The following NELL1 variants were observed in gnomAD, a reference collection of about 807,000 sequenced individuals.
NELL1 encodes neural EGFL like 1, also known as protein kinase C-binding protein NELL1.
A neutral mutation model predicts 107.4 loss-of-function variants in NELL1; 76 were observed. The ratio of observed to expected loss-of-function variants is 0.71; its 90% confidence interval spans 0.59 to 0.86. NELL1 has a LOEUF of 0.86. NELL1 is among the 40% of genes least tolerant of loss of function. The probability of loss-of-function intolerance (pLI) is 0.00; values close to 1 mark genes in which losing one functional copy is unlikely to be tolerated. For synonymous variants in NELL1, 353 were observed against 341.2 expected (o/e 1.03, Z -0.38); for missense variants, 1,024 against 1,005.5 (o/e 1.02, Z -0.25).
At chr11:21,277,850 G>A (rs1848903486) in intron 14 of NELL1, among the ~76,000 whole-genome samples, 2 of 152,180 alleles carry the variant, frequency 1.3e-5, no homozygotes, top group African/African-American at 4.8e-5. Flanking sequence ...ATTGAACAAT[G>A]AGAACACACG....
intron 14 of NELL1, among the ~76,000 whole-genome samples, chr11:21,368,514 C>T (rs867026126): frequency 6.6e-6 from 1 of 152,036 alleles, no homozygotes; most frequent in Admixed American, 6.6e-5. Flanking sequence ...AAGATGTCTT[C>T]ACTTGAATCT....
intron 4 of NELL1, among the ~76,000 whole-genome samples, chr11:20,878,137 G>T (rs185486438): frequency 1.2e-4 from 19 of 152,102 alleles, no homozygotes; most frequent in Admixed American, 1.2e-3. Flanking sequence ...GAGGCGGGTG[G>T]ATCATGAGGT....
At chr11:20,892,852 C>T (rs1849645530) in intron 5 of NELL1, among the ~76,000 whole-genome samples, 1 of 151,640 alleles carries the variant, frequency 6.6e-6, no homozygotes, top group African/African-American at 2.4e-5. Flanking sequence ...TCGCTTGAAC[C>T]CATGAGGTGG....
At chr11:20,879,857 G>A (rs922662922) in intron 4 of NELL1, among the ~76,000 whole-genome samples, 8 of 151,984 alleles carry the variant, frequency 5.3e-5, no homozygotes, top group Admixed American at 1.3e-4. Context: ...AAAGAAAGCT[G>A]AAAAAAATGA....
At chr11:21,320,003 A>G (rs1293393701) in intron 14 of NELL1, among the ~76,000 whole-genome samples, 1 of 152,078 alleles carries the variant, frequency 6.6e-6, no homozygotes, top group East Asian at 1.9e-4. Flanking sequence ...GAGGGAGAGT[A>G]TAGGAATTGG....
chr11:20,859,208 A>G (rs1253275463), intron 4 of NELL1, among the ~76,000 whole-genome samples: 1 of 152,212 alleles, frequency 6.6e-6, no homozygotes, highest in Non-Finnish European at 1.5e-5. Flanking sequence ...TTCCGTGAAG[A>G]ACTGGACATA....
chr11:20,991,991 CAAAAAA>C (rs57278158), intron 12 of NELL1, among the ~76,000 whole-genome samples: 1 of 110,050 alleles, frequency 9.1e-6, no homozygotes, highest in Non-Finnish European at 1.9e-5. Flanking sequence ...GTGTAGCATG[CAAAAAA>C]AAAAAAAAAA....
chr11:21,119,105 A>G (rs1273762567), intron 13 of NELL1, among the ~76,000 whole-genome samples: 1 of 152,068 alleles, frequency 6.6e-6, no homozygotes, highest in African/African-American at 2.4e-5. Flanking sequence ...TCAAATGTTC[A>G]TTCACCATCA....
chr11:21,067,286 G>C (rs1046289394), intron 12 of NELL1, among the ~76,000 whole-genome samples: 2 of 152,134 alleles, frequency 1.3e-5, no homozygotes, highest in African/African-American at 4.8e-5. Flanking sequence ...AGAAATTTCT[G>C]GACAGCGCTG....
intron 4 of NELL1, among the ~76,000 whole-genome samples, chr11:20,854,321 T>C: frequency 6.6e-6 from 1 of 152,196 alleles, no homozygotes; most frequent in Admixed American, 6.5e-5. Flanking sequence ...AGATGACTTT[T>C]AAGTCTTCTT....
chr11:20,789,611 G>A (rs1857036329), intron 3 of NELL1, among the ~76,000 whole-genome samples: 1 of 152,198 alleles, frequency 6.6e-6, no homozygotes, highest in Non-Finnish European at 1.5e-5. Context: ...ATCTTTTTTA[G>A]CCTCATTCAG....
chr11:20,973,257 C>T (rs1190342979), intron 12 of NELL1, among the ~76,000 whole-genome samples: 2 of 151,912 alleles, frequency 1.3e-5, no homozygotes, highest in Admixed American at 1.3e-4. Context: ...TATAGGCATG[C>T]ACCACCACCC....
intron 5 of NELL1, among the ~76,000 whole-genome samples, chr11:20,900,462 A>C (rs1479875622): frequency 6.6e-6 from 1 of 152,168 alleles, no homozygotes; most frequent in African/African-American, 2.4e-5. Flanking sequence ...GACTGGGATC[A>C]TTCTGGCAGT....
chr11:21,398,513 A>C (rs1852029338), intron 15 of NELL1, among the ~76,000 whole-genome samples: 1 of 151,682 alleles, frequency 6.6e-6, no homozygotes, highest in Non-Finnish European at 1.5e-5. Context: ...AGCATAAATT[A>C]GGTTTGGAAA....
At chr11:21,164,536 C>T (rs1184642082) in intron 13 of NELL1, among the ~76,000 whole-genome samples, 1 of 152,122 alleles carries the variant, frequency 6.6e-6, no homozygotes, top group East Asian at 1.9e-4. Context: ...CCTGTTTTCT[C>T]CTGCCTTTAG....
intron 13 of NELL1, among the ~76,000 whole-genome samples, chr11:21,168,355 C>CTG (rs1403870898): frequency 3.3e-5 from 5 of 151,760 alleles, no homozygotes; most frequent in African/African-American, 1.2e-4. Flanking sequence ...TATCATCTCA[C>CTG]TGTAATTCAG....
At chr11:21,337,781 T>TTTC (rs1850452019) in intron 14 of NELL1, among the ~76,000 whole-genome samples, 1 of 140,080 alleles carries the variant, frequency 7.1e-6, no homozygotes, top group African/African-American at 2.8e-5. Flanking sequence ...TCTTTCTTTC[T>TTTC]TTCTTTCTTT....
At chr11:21,184,005 T>C (rs925030161) in intron 13 of NELL1, among the ~76,000 whole-genome samples, 2 of 151,824 alleles carry the variant, frequency 1.3e-5, no homozygotes, top group African/African-American at 2.4e-5. Context: ...ATAGTATGTT[T>C]TCTAGGTGTA....
intron 13 of NELL1, among the ~76,000 whole-genome samples, chr11:21,115,367 CACACACA>C (rs1355670917): frequency 1.3e-5 from 2 of 151,478 alleles, no homozygotes; most frequent in Non-Finnish European, 2.9e-5. Context: ...CACACACACA[CACACACA>C]CGCTTTTTTG....
Sources: gnomAD v4.1 joint callset for allele counts (sites outside exome capture counted in the v4.1 genomes callset) on GRCh38, gnomAD v4.1.1 for gene constraint, MANE v1.5 for transcripts, NCBI Gene and HGNC (gene_info 2026-07-23, HGNC 2026-07-21) for gene names.